The following TRRAP variants were observed in gnomAD, a reference collection of about 807,000 sequenced individuals.
TRRAP encodes the protein transformation/transcription domain-associated protein.
A neutral mutation model predicts 438.8 loss-of-function variants in TRRAP; 41 were observed. The ratio of observed to expected loss-of-function variants is 0.09; its 90% CI spans 0.07 to 0.12. The LOEUF (loss-of-function observed/expected upper bound fraction) is 0.12, where lower values mean the gene tolerates loss of function less well. TRRAP is among the 10% of genes least tolerant of loss of function. TRRAP has a pLI of 1.00. For missense variants in TRRAP, 3,122 were observed against 5,055.1 expected, an observed-to-expected ratio of 0.62 and a Z score of 11.60; for synonymous variants, 1,994 against 1,962.9, an observed-to-expected ratio of 1.02 and a Z score of -0.42.
At chr7:98,995,979 TACCCCCATCCCATCCATGC>T (rs1250178465) in intron 67 of TRRAP, among the ~76,000 whole-genome samples, 2 of 127,928 alleles carry the variant, frequency 1.6e-5, no homozygotes, top group African/African-American at 6.1e-5. Context: ...CCCATCCTCA[TACCCCCATCCCATCCATGC>T]ACCCCCGTCC....
chr7:99,001,598 T>C, intron 67 of TRRAP, among the ~76,000 whole-genome samples: 1 of 152,134 alleles, frequency 6.6e-6, no homozygotes, highest in African/African-American at 2.4e-5. Flanking sequence ...TCCTGACTCA[T>C]CTCAAAGTGC....
rs1015683532 is a variant in TRRAP at position 99,011,625 on chromosome 7, T to C, written c.11337+90T>C. 3 of 1,446,760 alleles carry C rather than the reference T, an allele frequency of 2.1e-6. No homozygotes were observed. Among genetic ancestry groups the C allele is most frequent in the Admixed American group, 2.1e-5 (1 of 47,174 alleles). 89.6% of individuals were successfully genotyped at this position (1,446,760 alleles called of 1,614,324 possible). A position where few individuals can be genotyped will look rare whatever the true frequency, so the allele number is the denominator to read the frequency against. On this transcript the variant is annotated intron_variant, in intron 72 of 72. Coordinates refer to ENST00000456197, the MANE Select transcript of TRRAP (RefSeq NM_001375524.1). This position sits in a 1 kb window ranked among gnomAD's most constrained non-coding sequence, Gnocchi z 7.1. ...GCCTTGCAGGAGCTGCTGATGTGCC[T>C]CACGGGCTCTGCGCTCTCCACAGTG...
intron 62 of TRRAP, 137 bp downstream of exon 62, chr7:98,985,181 G>A (rs1332939517): frequency 3.4e-6 from 2 of 587,920 alleles, no homozygotes; most frequent in Non-Finnish European, 6.0e-6. Context: ...GATTTTTTAG[G>A]TACTGCACCT....
In TRRAP at chr7:98,958,232, ATCAACTGCACT is replaced by A. The variant is rs1188099986; in HGVS notation, c.6342+143_6342+153del. On this transcript the variant is annotated intron_variant, in intron 44 of 72. Transcript: ENST00000456197. ...TGCCAGCTGGTTCTGTCATTTTCGTATCAACTGCACTTGATTTTGTGGCAGGTTAACATTTC... is the reference window on the plus strand; with the variant it reads ...TGCCAGCTGGTTCTGTCATTTTCGTATGATTTTGTGGCAGGTTAACATTTC... 1.7e-5 allele frequency: 11 copies of A among 662,424 alleles called. No homozygotes were observed. The African/African-American group carries it at 2.0e-4, about 12-fold the overall frequency. 41.0% of individuals were successfully genotyped at this position (662,424 alleles called of 1,614,324 possible). A position where few individuals can be genotyped will look rare whatever the true frequency, so the allele number is the denominator to read the frequency against.
chr7:98,899,857 G>A, intron 10 of TRRAP, 90 bp downstream of exon 10: 1 of 1,442,618 alleles, frequency 6.9e-7, no homozygotes, highest in South Asian at 1.2e-5. Flanking sequence ...TGAAAATTAT[G>A]AGTGATAAAA....
rs782312453 is a variant in TRRAP at position 98,899,403 on chromosome 7, A to G, written c.634-19A>G. 7 of 1,613,268 alleles carry G rather than the reference A, an allele frequency of 4.3e-6. No individual in the cohort carries two copies. Among genetic ancestry groups the G allele is most frequent in the Non-Finnish European group, 5.9e-6 (7 of 1,179,308 alleles). On this transcript the variant is annotated intron_variant, in intron 8 of 72. Transcript: ENST00000456197. ...ATGCCACAATGGTAACCCGGGTCCT[A>G]CCCATTTCTGTCTTCCAGCATTCCA... is the stretch of plus-strand genomic sequence containing the variant.
At chr7:98,884,097 T>C (rs1554403592) in intron 3 of TRRAP, among the ~76,000 whole-genome samples, 1 of 152,214 alleles carries the variant, frequency 6.6e-6, no homozygotes, top group African/African-American at 2.4e-5. Flanking sequence ...ATAGGCCTTA[T>C]TCTAGGACAT....
chr7:98,996,072 T>C (rs1350412175), intron 67 of TRRAP, among the ~76,000 whole-genome samples: 4 of 137,510 alleles, frequency 2.9e-5, no homozygotes, highest in African/African-American at 1.1e-4. Context: ...TCCACTTACC[T>C]GCGTCCCCTC....
At chr7:98,902,068 T>G (rs1796495987) in intron 11 of TRRAP, among the ~76,000 whole-genome samples, 1 of 152,238 alleles carries the variant, frequency 6.6e-6, no homozygotes, top group Admixed American at 6.5e-5. Context: ...TTTGCCTGTT[T>G]CATTTTTGGC....
At position 98,949,412 on chromosome 7, in the gene TRRAP, T is replaced by C; in HGVS notation, c.4789-5T>C. On this transcript the variant is annotated splice_region_variant and splice_polypyrimidine_tract_variant and intron_variant, in intron 35 of 72. Transcript: ENST00000456197. ...AAACGGCTTTTCTATTTGTTTTGCT[T>C]TCAGAGTTTTTTAAAACACAAAGAC... The C allele has an allele frequency of 6.5e-7, 1 of 1,527,032 alleles. No individual in the cohort carries two copies. The highest frequency in any genetic ancestry group is 1.3e-5 in the South Asian group (1 of 77,576). The allele number at this position is 1,527,032 out of a possible 1,614,324, so 94.6% of individuals were successfully genotyped here.
chr7:98,893,111 C>T (rs1796047602), intron 5 of TRRAP, among the ~76,000 whole-genome samples: 1 of 152,140 alleles, frequency 6.6e-6, no homozygotes, highest in Non-Finnish European at 1.5e-5. Context: ...GCCACCATGC[C>T]TAGCTGATTT....
intron 40 of TRRAP, 70 bp downstream of exon 40, chr7:98,953,503 G>A: frequency 6.3e-7 from 1 of 1,574,926 alleles, no homozygotes; most frequent in East Asian, 2.2e-5. Flanking sequence ...GCTCCCTGGT[G>A]CAGTCTCAGC....
intron 63 of TRRAP, 69 bp downstream of exon 63, chr7:98,989,035 T>G: frequency 2.6e-6 from 4 of 1,515,964 alleles, no homozygotes; most frequent in Non-Finnish European, 2.7e-6. Flanking sequence ...GAAATTTAGC[T>G]ATAGTTTACT....
intron 67 of TRRAP, among the ~76,000 whole-genome samples, chr7:98,997,483 CAA>C (rs61132070): frequency 0.016 from 667 of 42,534 alleles, 3 homozygotes; most frequent in African/African-American, 0.05. Context: ...ACTGCTGTTG[CAA>C]AAAAAAAAAA....
rs1795406828 is a variant in TRRAP at position 98,881,086 on chromosome 7, AT to A, written c.-61-3del. 2 of 1,392,790 alleles carry A rather than the reference AT, an allele frequency of 1.4e-6. No homozygotes were observed. Among genetic ancestry groups the A allele is most frequent in the African/African-American group, 2.9e-5 (2 of 68,854 alleles). 86.3% of individuals were successfully genotyped at this position (1,392,790 alleles called of 1,614,324 possible). A position where few individuals can be genotyped will look rare whatever the true frequency, so the allele number is the denominator to read the frequency against. On this transcript the variant is annotated splice_polypyrimidine_tract_variant and splice_region_variant and intron_variant, in intron 1 of 72. Coordinates refer to ENST00000456197, the MANE Select transcript of TRRAP (RefSeq NM_001375524.1). The stretch of plus-strand genomic sequence containing the variant: ...ATTGACTAACTCTATGCTTCTTTTC[AT>A]AGGCTGGTTGAACTCATGGACCTGA...
At chr7:98,894,854 TG>T (rs1796130904) in intron 6 of TRRAP, among the ~76,000 whole-genome samples, 1 of 150,492 alleles carries the variant, frequency 6.6e-6, no homozygotes, top group East Asian at 1.9e-4. Context: ...CAAGCTGGTC[TG>T]TAACTCCTGA....
chr7:98,962,214 C>T, intron 46 of TRRAP, 88 bp from the exon 47 acceptor site: 4 of 1,592,170 alleles, frequency 2.5e-6, no homozygotes, highest in Non-Finnish European at 3.4e-6. Flanking sequence ...CCTCCTGATA[C>T]CCAAGCAGCC....
intron 10 of TRRAP, among the ~76,000 whole-genome samples, chr7:98,900,089 G>T (rs1158063248): frequency 6.6e-6 from 1 of 151,998 alleles, no homozygotes; most frequent in Non-Finnish European, 1.5e-5. Context: ...TGTTCAGCTT[G>T]AGTGCTAGAA....
intron 16 of TRRAP, 31 bp downstream of exon 16, chr7:98,910,638 CA>C: frequency 2.5e-6 from 4 of 1,574,936 alleles, no homozygotes; most frequent in Non-Finnish European, 3.5e-6. Context: ...CAGGCTTTCG[CA>C]TATGGAAAGT....
Sources: allele counts gnomAD v4.1 joint callset (sites outside exome capture counted in the v4.1 genomes callset), GRCh38; gene constraint gnomAD v4.1.1; non-coding constraint Gnocchi (gnomAD v3.1); transcripts MANE v1.5; gene names NCBI Gene and HGNC (gene_info 2026-07-23, HGNC 2026-07-21).